DIAPH3: variants seen among roughly 807,000 people sequenced by gnomAD.
DIAPH3 encodes the protein diaphanous related formin 3.
In DIAPH3, 117 loss-of-function variants were observed where a neutral mutation model predicts 144.3. The ratio of observed to expected loss-of-function variants is 0.81; its 90% confidence interval spans 0.70 to 0.95. The LOEUF (loss-of-function observed/expected upper bound fraction) is 0.95. Ranked by LOEUF, DIAPH3 falls within the 40% of genes least tolerant of loss-of-function variation. DIAPH3 has a pLI of 0.00. For synonymous variants in DIAPH3, 519 were observed against 488.9 expected, an observed-to-expected ratio of 1.06 and a Z score of -0.81; for missense variants, 1,421 against 1,412.7, an observed-to-expected ratio of 1.01 and a Z score of -0.09.
chr13:59,885,448 TA>T (rs67977635), intron 20 of DIAPH3, among the ~76,000 whole-genome samples: 356 of 93,082 alleles, frequency 3.8e-3, no homozygotes, highest in African/African-American at 0.013. Flanking sequence ...CTTCTTTCAC[TA>T]AAAAAAAAAA....
intron 4 of DIAPH3, among the ~76,000 whole-genome samples, chr13:60,070,415 T>C (rs1322911144): frequency 1.3e-5 from 2 of 152,126 alleles, no homozygotes; most frequent in African/African-American, 4.8e-5. Flanking sequence ...TGCCTGTGCT[T>C]AATTTGACAT....
intron 20 of DIAPH3, among the ~76,000 whole-genome samples, chr13:59,887,126 GTCT>G (rs1158106281): frequency 6.6e-6 from 1 of 151,740 alleles, no homozygotes; most frequent in East Asian, 1.9e-4. Context: ...TGTCAAATGC[GTCT>G]TATTTCGCAT....
At position 60,073,061 on chromosome 13, in the gene DIAPH3, C is replaced by A. The variant is rs987368645; in HGVS notation, c.495+20567G>T. Reference sequence around the variant, plus strand: ...CAGTGGCTCACACCTGTAATCCCAACGCTTTGGGAGGGTGAGGCAGGCAGA... The same window carrying A: ...CAGTGGCTCACACCTGTAATCCCAAAGCTTTGGGAGGGTGAGGCAGGCAGA... On this transcript the variant is annotated intron_variant, in intron 4 of 27. Transcript: ENST00000400324. Among the ~76,000 whole-genome samples, 9 of 152,190 alleles carry A rather than the reference C, an allele frequency of 5.9e-5. 1 individual carries two copies. Among genetic ancestry groups the A allele is most frequent in the Admixed American group, 5.2e-4 (8 of 15,294 alleles).
chr13:59,846,407 A>G (rs755196870), intron 22 of DIAPH3, among the ~76,000 whole-genome samples: 28 of 152,330 alleles, frequency 1.8e-4, no homozygotes, highest in South Asian at 4.1e-4. Context: ...CAATTTAAAC[A>G]TGCAAACTAA....
chr13:59,910,852 A>G (rs956952937), intron 20 of DIAPH3, among the ~76,000 whole-genome samples: 1 of 149,078 alleles, frequency 6.7e-6, no homozygotes, highest in Non-Finnish European at 1.5e-5. Context: ...CTTTGGTGGT[A>G]GCAAGGAGTA....
chr13:59,794,031 T>C (rs751955830), intron 25 of DIAPH3, among the ~76,000 whole-genome samples: 53 of 152,322 alleles, frequency 3.5e-4, no homozygotes, highest in African/African-American at 1.1e-3. Flanking sequence ...CATACAACCA[T>C]TGTCTGTATT....
At chr13:60,033,167 A>G (rs1047915659) in intron 5 of DIAPH3, among the ~76,000 whole-genome samples, 1 of 152,204 alleles carries the variant, frequency 6.6e-6, no homozygotes. Flanking sequence ...CCATATTACT[A>G]TCAGCATTTT....
At chr13:60,027,323 T>C (rs913870337) in intron 5 of DIAPH3, among the ~76,000 whole-genome samples, 1 of 152,218 alleles carries the variant, frequency 6.6e-6, no homozygotes, top group Non-Finnish European at 1.5e-5. Flanking sequence ...TTGTAAAATC[T>C]ACTAACCTTC....
chr13:59,889,347 C>T (rs1002765160), intron 20 of DIAPH3, among the ~76,000 whole-genome samples: 1 of 151,980 alleles, frequency 6.6e-6, no homozygotes, highest in Non-Finnish European at 1.5e-5. Flanking sequence ...TATAAAACTG[C>T]CTTCGAATTT....
chr13:59,768,877 G>A (rs1008753386), intron 27 of DIAPH3, among the ~76,000 whole-genome samples: 5 of 152,086 alleles, frequency 3.3e-5, no homozygotes, highest in Admixed American at 2.6e-4. Flanking sequence ...TTTTGTTTAG[G>A]TTATGGATGC....
intron 24 of DIAPH3, among the ~76,000 whole-genome samples, chr13:59,819,159 G>C (rs551614814): frequency 1.4e-4 from 22 of 151,898 alleles, no homozygotes; most frequent in Non-Finnish European, 2.5e-4. Flanking sequence ...ATTTGAATTT[G>C]CTTCTGTAAA....
Position 59,913,060 on chromosome 13 carries a change from A to G in DIAPH3, c.2266-1224T>C, listed in dbSNP as rs184425519. ...ATTTCTCTTAGTGGAATTGCTTGAG[A>G]CCAAAAGACATGATTATTTATATTT... On this transcript the variant is annotated intron_variant, in intron 19 of 27. Transcript: ENST00000400324. Among the ~76,000 whole-genome samples, 162 of 152,296 alleles carry G rather than the reference A, an allele frequency of 1.1e-3. 1 individual carries two copies. The highest frequency in any genetic ancestry group is 1.9e-3 in the Non-Finnish European group (132 of 68,028).
At chr13:59,978,285 A>G (rs756470938) in intron 14 of DIAPH3, among the ~76,000 whole-genome samples, 2 of 151,770 alleles carry the variant, frequency 1.3e-5, no homozygotes, top group Non-Finnish European at 2.9e-5. Context: ...CTATGTCAAC[A>G]TAGTCACTCT....
chr13:59,860,563 C>T (rs1240341058), intron 22 of DIAPH3, among the ~76,000 whole-genome samples: 1 of 151,874 alleles, frequency 6.6e-6, no homozygotes, highest in African/African-American at 2.4e-5. Context: ...ATGGTGAAAC[C>T]CCGTCTCTAC....
intron 25 of DIAPH3, among the ~76,000 whole-genome samples, chr13:59,794,210 T>G (rs1277485809): frequency 6.6e-6 from 1 of 152,146 alleles, no homozygotes; most frequent in Non-Finnish European, 1.5e-5. Context: ...TGACTTAAAA[T>G]ATTTCCAAAT....
chr13:59,974,404 T>G lies in DIAPH3; in HGVS notation c.1598A>C (p.Lys533Thr). 6.2e-7 allele frequency: 1 copy of G among 1,612,470 alleles called. No individual in the cohort carries two copies. The highest frequency in any genetic ancestry group is 1.1e-5 in the South Asian group (1 of 91,010). ...TTGAAGCTCATTAATCTTTGCCTCT[T>G]TTTTCTGCAATTCAGCCTGAGTTTC... ...HQETQAELQKKEAKINELQAE... is the reference protein window; with the variant it reads ...HQETQAELQKTEAKINELQAE... Residue 533 changes from lysine to threonine, a missense_variant, in exon 15 of 28, where the codon AAA becomes ACA. Transcript: ENST00000400324.
intron 27 of DIAPH3, among the ~76,000 whole-genome samples, chr13:59,730,223 A>G (rs1407848884): frequency 6.6e-6 from 1 of 152,232 alleles, no homozygotes; most frequent in Non-Finnish European, 1.5e-5. Context: ...TTCTTCAGAT[A>G]GGACACATTC....
intron 4 of DIAPH3, among the ~76,000 whole-genome samples, chr13:60,081,221 C>T (rs1457262686): frequency 2.0e-5 from 3 of 151,890 alleles, no homozygotes; most frequent in Admixed American, 2.0e-4. Flanking sequence ...ATGCATCCTG[C>T]ATAACTTTGA....
chr13:59,883,929 T>C (rs1305628549), intron 20 of DIAPH3, among the ~76,000 whole-genome samples: 2 of 152,222 alleles, frequency 1.3e-5, no homozygotes, highest in Non-Finnish European at 2.9e-5. Context: ...CCTATTGTGC[T>C]GAATCTTTAA....
Sources: gnomAD v4.1 joint callset for allele counts (sites outside exome capture counted in the v4.1 genomes callset) on GRCh38, gnomAD v4.1.1 for gene constraint, MANE v1.5 for transcripts, NCBI Gene and HGNC (gene_info 2026-07-23, HGNC 2026-07-21) for gene names.